Variants in GALNT17 observed in about 807,000 individuals in gnomAD.
GALNT17 encodes UDP-GalNAc:polypeptide N-acetylgalactosaminyltransferase-like 3.
A neutral mutation model predicts 63.7 loss-of-function variants in GALNT17; 29 were observed. The ratio of observed to expected loss-of-function variants is 0.46; its 90% CI spans 0.34 to 0.62. The LOEUF is 0.62. GALNT17 is among the 20% of genes least tolerant of loss of function. The probability of loss-of-function intolerance (pLI) is 0.01; values close to 1 mark genes in which losing one functional copy is unlikely to be tolerated. For missense variants in GALNT17, 603 were observed against 799.6 expected (o/e 0.75, Z 2.97); for synonymous variants, 305 against 318.3 (o/e 0.96, Z 0.45).
intron 5 of GALNT17, among the ~76,000 whole-genome samples, chr7:71,556,788 A>C (rs994796796): frequency 2.0e-5 from 3 of 150,934 alleles, no homozygotes; most frequent in Admixed American, 2.0e-4. Flanking sequence ...CTGGTCTTGA[A>C]CTCCTGATCT....
intron 5 of GALNT17, among the ~76,000 whole-genome samples, chr7:71,460,318 T>A (rs531770812): frequency 6.6e-6 from 1 of 152,332 alleles, no homozygotes; most frequent in African/African-American, 2.4e-5. Flanking sequence ...AACTGTGAGA[T>A]TCTTATTACC....
At chr7:71,236,207 A>T (rs2116456728) in intron 1 of GALNT17, among the ~76,000 whole-genome samples, 1 of 150,136 alleles carries the variant, frequency 6.7e-6, no homozygotes, top group African/African-American at 2.5e-5. Context: ...AAAAAAAAAT[A>T]AAAATCTACT....
Position 71,533,432 on chromosome 7 carries a change from G to A in GALNT17, c.963-37853G>A, listed in dbSNP as rs536650879. The stretch of plus-strand genomic sequence containing the variant: ...AGTAATTCTCTTTCCCTTGCTTTGC[G>A]GTATCTTTCCACAGACTCTCATCCT... On this transcript the variant is annotated intron_variant, in intron 5 of 10. Transcript: ENST00000333538. Among the ~76,000 whole-genome samples the A allele has an allele frequency of 1.2e-4, 19 of 152,228 alleles. 1 individual carries two copies. The highest frequency in any genetic ancestry group is 7.4e-5 in the Non-Finnish European group (5 of 68,016).
intron 5 of GALNT17, among the ~76,000 whole-genome samples, chr7:71,476,481 A>C (rs1376314475): frequency 3.9e-5 from 6 of 152,052 alleles, no homozygotes; most frequent in Admixed American, 3.9e-4. Context: ...TGGTATTGCC[A>C]AGTGAAAATA....
intron 1 of GALNT17, among the ~76,000 whole-genome samples, chr7:71,269,652 C>T (rs1463542040): frequency 2.0e-5 from 3 of 152,146 alleles, no homozygotes; most frequent in South Asian, 2.1e-4. Context: ...GGCAGGAAGC[C>T]GAGAACTGGA....
chr7:71,345,493 C>T (rs534074224), intron 2 of GALNT17, among the ~76,000 whole-genome samples: 3 of 152,264 alleles, frequency 2.0e-5, no homozygotes, highest in South Asian at 2.1e-4. Flanking sequence ...CATTTTATCC[C>T]GACAATGTCT....
At chr7:71,438,561 T>C (rs914465406) in intron 5 of GALNT17, among the ~76,000 whole-genome samples, 14 of 152,206 alleles carry the variant, frequency 9.2e-5, no homozygotes, top group Admixed American at 3.9e-4. Context: ...TGTCTTCAGA[T>C]TCTTCATCTG....
At chr7:71,675,146 T>C (rs1220042936) in intron 8 of GALNT17, among the ~76,000 whole-genome samples, 3 of 152,104 alleles carry the variant, frequency 2.0e-5, no homozygotes, top group Admixed American at 6.6e-5. Flanking sequence ...ATTGCGCCAC[T>C]GCATTCCAGC....
At chr7:71,404,750 T>G (rs1160180684) in intron 3 of GALNT17, among the ~76,000 whole-genome samples, 2 of 152,212 alleles carry the variant, frequency 1.3e-5, no homozygotes, top group Non-Finnish European at 2.9e-5. Context: ...TTGTATTGTT[T>G]AGAAGAGTTG....
chr7:71,390,266 G>A (rs919652928), intron 3 of GALNT17, among the ~76,000 whole-genome samples: 3 of 152,208 alleles, frequency 2.0e-5, no homozygotes, highest in South Asian at 2.1e-4. Context: ...GTTTAAAACC[G>A]GATTATCTTG....
intron 6 of GALNT17, among the ~76,000 whole-genome samples, chr7:71,605,254 A>G (rs1352353769): frequency 1.3e-5 from 2 of 152,096 alleles, no homozygotes; most frequent in African/African-American, 2.4e-5. Flanking sequence ...TTACACAGCA[A>G]AGGAGTGCCT....
chr7:71,605,512 GGA>G (rs1790032189), intron 6 of GALNT17, among the ~76,000 whole-genome samples: 1 of 151,612 alleles, frequency 6.6e-6, no homozygotes, highest in Non-Finnish European at 1.5e-5. Flanking sequence ...CTTGAACCCA[GGA>G]GGCGGAGGTT....
intron 1 of GALNT17, among the ~76,000 whole-genome samples, chr7:71,280,161 G>A (rs749037328): frequency 1.3e-5 from 2 of 152,126 alleles, no homozygotes; most frequent in Non-Finnish European, 2.9e-5. Context: ...GGAGGTCTCT[G>A]AGGTTGTGGA....
At chr7:71,278,558 G>C (rs1204164675) in intron 1 of GALNT17, among the ~76,000 whole-genome samples, 1 of 152,216 alleles carries the variant, frequency 6.6e-6, no homozygotes, top group Non-Finnish European at 1.5e-5. Context: ...AATTGCCAGA[G>C]ACTGGGCAAC....
chr7:71,395,407 A>G (rs988927288), intron 3 of GALNT17, among the ~76,000 whole-genome samples: 1 of 152,228 alleles, frequency 6.6e-6, no homozygotes, highest in Non-Finnish European at 1.5e-5. Flanking sequence ...TGTGGCATAT[A>G]TAAGTACTTC....
At chr7:71,456,434 C>T (rs1344303040) in intron 5 of GALNT17, among the ~76,000 whole-genome samples, 2 of 152,136 alleles carry the variant, frequency 1.3e-5, no homozygotes, top group South Asian at 2.1e-4. Context: ...CGTAGTGGCT[C>T]ATGCCTGTAA....
chr7:71,393,745 C>A (rs1793090755), intron 3 of GALNT17, among the ~76,000 whole-genome samples: 1 of 152,102 alleles, frequency 6.6e-6, no homozygotes, highest in Admixed American at 6.5e-5. Context: ...TATTTTAAGT[C>A]ATTTGTTTCA....
intron 1 of GALNT17, among the ~76,000 whole-genome samples, chr7:71,286,760 T>C (rs1252545320): frequency 6.6e-6 from 1 of 151,518 alleles, no homozygotes; most frequent in African/African-American, 2.4e-5. Context: ...TGTTTTTTTT[T>C]TTCTTTTTTT....
At chr7:71,614,611 CT>C (rs112430424) in intron 6 of GALNT17, among the ~76,000 whole-genome samples, 22,975 of 149,868 alleles carry the variant, frequency 0.15, 1,848 homozygotes, top group African/African-American at 0.19. Context: ...AGAGTGAGAC[CT>C]TTTCTCAAAA....
Sources: allele counts gnomAD v4.1 joint callset (sites outside exome capture counted in the v4.1 genomes callset), GRCh38; gene constraint gnomAD v4.1.1; transcripts MANE v1.5; gene names NCBI Gene and HGNC (gene_info 2026-07-23, HGNC 2026-07-21).